Variants in SCARA5 observed in about 807,000 individuals in gnomAD.
SCARA5 encodes scavenger receptor class A member 5.
Under a neutral mutation model 46.3 loss-of-function variants are expected in SCARA5, and 45 were observed. The ratio of observed to expected loss-of-function variants is 0.97; its 90% CI spans 0.76 to 1.24. SCARA5 has a LOEUF of 1.24. Among genes scored for constraint, SCARA5 ranks in the 50% most tolerant of loss-of-function variants. SCARA5 has a pLI of 0.00. For missense variants in SCARA5, 680 were observed against 689.0 expected, an observed-to-expected ratio of 0.99 and a Z score of 0.15; for synonymous variants, 333 against 306.5, an observed-to-expected ratio of 1.09 and a Z score of -0.90.
chr8:27,872,769 C>A (rs1301070679), intron 8 of SCARA5, among the ~76,000 whole-genome samples: 1 of 152,204 alleles, frequency 6.6e-6, no homozygotes, highest in Non-Finnish European at 1.5e-5. Flanking sequence ...ATTAGTCACA[C>A]CCAAAGCAAA....
chr8:27,900,723 T>C lies in SCARA5; in HGVS notation c.1153+4055A>G, dbSNP rs563130642. Reference sequence around the variant, plus strand: ...TTGCAAAAACACTATTTATTTTTCCTGCAAATGGACCATCTACTAGGGTAA... The same window carrying C: ...TTGCAAAAACACTATTTATTTTTCCCGCAAATGGACCATCTACTAGGGTAA... On this transcript the variant is annotated intron_variant, in intron 7 of 8. Coordinates refer to ENST00000354914, the MANE Select transcript of SCARA5 (RefSeq NM_173833.6). Among the ~76,000 whole-genome samples the C allele has an allele frequency of 2.8e-3, 419 of 151,726 alleles. 24 individuals carry two copies. The South Asian group carries it at 0.085, about 31-fold the overall frequency.
In SCARA5 at chr8:27,921,753, A is replaced by G. The variant is rs1171008946; in HGVS notation, c.734T>C (p.Leu245Pro). Reference protein sequence around the residue: ...SYDVALHRTRLQDLRVLVSNA... With the variant: ...SYDVALHRTRPQDLRVLVSNA... Reference sequence around the variant, plus strand: ...GCTCACCAGCACCCGCAGGTCCTGCAGCCGCGTGCGGTGGAGGGCCACGTC... The same window carrying G: ...GCTCACCAGCACCCGCAGGTCCTGCGGCCGCGTGCGGTGGAGGGCCACGTC... The change falls in exon 4 of 9, where the codon CTG (leucine) becomes CCG (proline). Residue 245 changes from leucine to proline, a missense_variant. By Grantham distance (98) the Leu-to-Pro change is moderately conservative. Coordinates refer to ENST00000354914, the MANE Select transcript of SCARA5 (RefSeq NM_173833.6). The G allele has an allele frequency of 2.5e-6, 4 of 1,583,204 alleles. No homozygotes were observed. The highest frequency in any genetic ancestry group is 2.6e-6 in the Non-Finnish European group (3 of 1,167,556).
chr8:27,991,845 G>GCA (rs371192585), intron 1 of SCARA5, among the ~76,000 whole-genome samples: 122 of 150,182 alleles, frequency 8.1e-4, no homozygotes, highest in Admixed American at 1.1e-3. Context: ...GCACAGACAT[G>GCA]CACACACACA....
At chr8:27,970,887 T>TA (rs1808438110) in intron 2 of SCARA5, among the ~76,000 whole-genome samples, 1 of 152,070 alleles carries the variant, frequency 6.6e-6, no homozygotes, top group African/African-American at 2.4e-5. Context: ...TGGCTTTTTT[T>TA]TAAAAAAAAA....
chr8:27,880,883 A>G (rs1806800778), intron 7 of SCARA5, among the ~76,000 whole-genome samples: 1 of 136,372 alleles, frequency 7.3e-6, no homozygotes. Flanking sequence ...AAAAGTGGGC[A>G]GGAGACATGA....
At chr8:27,968,733 C>A (rs1808405504) in intron 2 of SCARA5, among the ~76,000 whole-genome samples, 1 of 152,212 alleles carries the variant, frequency 6.6e-6, no homozygotes, top group South Asian at 2.1e-4. Context: ...AGGAAAATCA[C>A]ACAGCCGTGA....
At position 27,904,758 on chromosome 8, in the gene SCARA5, C is replaced by T; in HGVS notation, c.1153+20G>A. 4 of 1,609,990 alleles carry T rather than the reference C, an allele frequency of 2.5e-6. No individual in the cohort carries two copies. Among genetic ancestry groups the T allele is most frequent in the Non-Finnish European group, 2.6e-6 (3 of 1,176,186 alleles). On this transcript the variant is annotated intron_variant, in intron 7 of 8. Transcript: ENST00000354914. ...CCTGTGCCAACACCATATCCCACGG[C>T]CCCAGCAGAATGTCCTTACTGGCAT...
intron 3 of SCARA5, among the ~76,000 whole-genome samples, chr8:27,924,392 G>A (rs962368906): frequency 1.3e-5 from 2 of 152,228 alleles, no homozygotes; most frequent in Non-Finnish European, 2.9e-5. Flanking sequence ...AAGATCAGCT[G>A]TTACAATCTT....
intron 8 of SCARA5, among the ~76,000 whole-genome samples, chr8:27,874,105 T>G (rs1388222132): frequency 6.6e-6 from 1 of 152,218 alleles, no homozygotes; most frequent in Non-Finnish European, 1.5e-5. Context: ...ACCATTCTGA[T>G]GAACAGAAAG....
chr8:27,926,468 G>A (rs1171012185), intron 3 of SCARA5, among the ~76,000 whole-genome samples: 1 of 151,952 alleles, frequency 6.6e-6, no homozygotes, highest in African/African-American at 2.4e-5. Flanking sequence ...ACTGGGGGAG[G>A]GATAGCATTA....
At chr8:27,938,604 T>C (rs1807892916) in intron 3 of SCARA5, among the ~76,000 whole-genome samples, 1 of 152,178 alleles carries the variant, frequency 6.6e-6, no homozygotes, top group Non-Finnish European at 1.5e-5. Context: ...TAAGGGAAAA[T>C]CCTCATCGAC....
chr8:27,953,946 C>G (rs1808170065), intron 3 of SCARA5, among the ~76,000 whole-genome samples: 1 of 152,180 alleles, frequency 6.6e-6, no homozygotes, highest in Non-Finnish European at 1.5e-5. Flanking sequence ...GCTGAGACCC[C>G]AGAGGAGGGA....
chr8:27,966,548 C>T lies in SCARA5; in HGVS notation c.113-6G>A, dbSNP rs1446501399. 4 of 1,602,168 alleles carry T rather than the reference C, an allele frequency of 2.5e-6. No homozygotes were observed. In the African/African-American group the frequency reaches 4.1e-5, roughly 16 times the overall value. The stretch of plus-strand genomic sequence containing the variant: ...CCGCCGTTTGTGACATGGACCTGGA[C>T]AATAAGGGTAAGAGGAGGAAGGAAA... On this transcript the variant is annotated splice_region_variant and splice_polypyrimidine_tract_variant and intron_variant, in intron 2 of 8. Coordinates refer to ENST00000354914, the MANE Select transcript of SCARA5 (RefSeq NM_173833.6).
intron 2 of SCARA5, among the ~76,000 whole-genome samples, chr8:27,977,631 T>G (rs1808546443): frequency 1.3e-5 from 2 of 152,106 alleles, no homozygotes; most frequent in South Asian, 4.1e-4. Context: ...TCCCTCTCCT[T>G]CCTCCCTAAA....
chr8:27,922,051 C>A lies in SCARA5; in HGVS notation c.436G>T (p.Val146Leu). Residue 146 changes from valine to leucine, a missense_variant, in exon 4 of 9, where the codon GTG (valine) becomes TTG (leucine). By Grantham distance (32) the Val-to-Leu change is conservative. Coordinates refer to ENST00000354914, the MANE Select transcript of SCARA5 (RefSeq NM_173833.6). ...SDSLLALAGA[V>L]QRLEGALWGL... The stretch of plus-strand genomic sequence containing the variant: ...CACAGCGCGCCCTCCAGCCGCTGCA[C>A]TGCGCCCGCCAGCGCCAGCAACGAG... 1 of 1,577,484 alleles carries A rather than the reference C, an allele frequency of 6.3e-7. No individual in the cohort carries two copies. The highest frequency in any genetic ancestry group is 1.1e-5 in the South Asian group (1 of 87,182).
chr8:27,893,965 T>G (rs1222673232), intron 7 of SCARA5, among the ~76,000 whole-genome samples: 1 of 152,240 alleles, frequency 6.6e-6, no homozygotes, highest in Non-Finnish European at 1.5e-5. Flanking sequence ...AGCTATCTAC[T>G]GCCAGCAGGG....
chr8:27,898,012 A>C (rs1325625454), intron 7 of SCARA5, among the ~76,000 whole-genome samples: 1 of 152,184 alleles, frequency 6.6e-6, no homozygotes, highest in Non-Finnish European at 1.5e-5. Flanking sequence ...GCACGGGCCC[A>C]GCTCTGGTCT....
chr8:27,926,249 A>G (rs1337592806), intron 3 of SCARA5, among the ~76,000 whole-genome samples: 2 of 152,236 alleles, frequency 1.3e-5, no homozygotes, highest in African/African-American at 2.4e-5. Context: ...CATATACACC[A>G]TGGAATACTA....
intron 3 of SCARA5, among the ~76,000 whole-genome samples, chr8:27,924,016 T>C (rs1375825684): frequency 6.6e-6 from 1 of 152,174 alleles, no homozygotes; most frequent in Non-Finnish European, 1.5e-5. Flanking sequence ...TGTGTCTTCA[T>C]CGTTAGAATC....
Sources: allele counts gnomAD v4.1 joint callset (sites outside exome capture counted in the v4.1 genomes callset), GRCh38; gene constraint gnomAD v4.1.1; transcripts MANE v1.5; gene names NCBI Gene and HGNC (gene_info 2026-07-23, HGNC 2026-07-21).